CLCN1: variants seen among roughly 807,000 people sequenced by gnomAD.
CLCN1 encodes chloride channel protein 1.
A neutral mutation model predicts 114.5 loss-of-function variants in CLCN1; 100 were observed. The observed-to-expected ratio is 0.87, with a 90% CI of 0.74 to 1.03. The LOEUF (loss-of-function observed/expected upper bound fraction) is 1.03, where lower values mean the gene tolerates loss of function less well. Among genes scored for constraint, CLCN1 ranks in the 50% least tolerant of loss-of-function variants. The pLI is 0.00. For missense variants in CLCN1, 1,188 were observed against 1,250.0 expected, an observed-to-expected ratio of 0.95 and a Z score of 0.75; for synonymous variants, 485 against 487.1, an observed-to-expected ratio of 1.00 and a Z score of 0.06.
At chr7:143,323,140 C>T (rs775718240) in intron 5 of CLCN1, among the ~76,000 whole-genome samples, 169 bp from the exon 6 acceptor site, 3 of 152,124 alleles carry the variant, frequency 2.0e-5, no homozygotes, top group Non-Finnish European at 2.9e-5. Flanking sequence ...CTGGTTTCTC[C>T]TCTTCTTCCT....
intron 9 of CLCN1, 78 bp from the exon 10 acceptor site, chr7:143,331,473 G>A (rs938732921): frequency 1.0e-4 from 125 of 1,191,534 alleles, no homozygotes; most frequent in Non-Finnish European, 1.5e-4. Context: ...CCTGGTATTT[G>A]TTTCCCTGCA....
At chr7:143,340,683 C>G (rs1803053761) in intron 14 of CLCN1, among the ~76,000 whole-genome samples, 1 of 152,184 alleles carries the variant, frequency 6.6e-6, no homozygotes, top group African/African-American at 2.4e-5. Flanking sequence ...CAGGCACATG[C>G]CATCATGTCT....
rs768279683 is a variant in CLCN1 at position 143,321,315 on chromosome 7, C to T, written c.434-50C>T. 2.5e-6 allele frequency: 4 copies of T among 1,610,402 alleles called. No individual in the cohort carries two copies. The highest frequency in any genetic ancestry group is 3.4e-6 in the Non-Finnish European group (4 of 1,178,370). ...CGGGTACACGTCCTGGTGCCGTGGA[C>T]ACGGCTGCTCAGCCATGTTCTGCCT... On this transcript the variant is annotated intron_variant, in intron 3 of 22. Transcript: ENST00000343257. This position sits in a 1 kb window ranked among gnomAD's most constrained non-coding sequence, Gnocchi z 4.2.
Position 143,339,648 on chromosome 7 carries a change from A to C in CLCN1, c.1582+27A>C. 5.2e-6 allele frequency: 7 copies of C among 1,351,358 alleles called. No individual in the cohort carries two copies. The highest frequency in any genetic ancestry group is 7.4e-6 in the Non-Finnish European group (7 of 940,076). The allele number at this position is 1,351,358 out of a possible 1,614,324, so 83.7% of individuals were successfully genotyped here. On this transcript the variant is annotated intron_variant, in intron 14 of 22. Coordinates refer to ENST00000343257, the MANE Select transcript of CLCN1 (RefSeq NM_000083.3). This position sits in a 1 kb window ranked among gnomAD's most constrained non-coding sequence, Gnocchi z 4.1. ...TGAGAAACATTCCCACTTCCCTGTA[A>C]TCAAACATTGAGTACTTCAGATCCC...
At chr7:143,325,366 A>C (rs1031599495) in intron 7 of CLCN1, among the ~76,000 whole-genome samples, 5 of 152,266 alleles carry the variant, frequency 3.3e-5, no homozygotes, top group African/African-American at 1.2e-4. Flanking sequence ...CCAGGGAACT[A>C]AAATGACTTG....
In CLCN1 at chr7:143,332,896, C is replaced by T. The variant is rs765950532; in HGVS notation, c.1401+23C>T. On this transcript the variant is annotated intron_variant, in intron 12 of 22. Transcript: ENST00000343257. ...AAGGTACTGCTCCTGACACTAGCAACACCCTAAACCTCCATCTGTTTTCAA... is the reference window on the plus strand; with the variant it reads ...AAGGTACTGCTCCTGACACTAGCAATACCCTAAACCTCCATCTGTTTTCAA... 1.7e-5 allele frequency: 27 copies of T among 1,613,028 alleles called. 1 individual carries two copies. In the South Asian group the frequency reaches 2.6e-4, roughly 16 times the overall value.
chr7:143,332,841 G>T lies in CLCN1; in HGVS notation c.1369G>T (p.Val457Phe). Residue 457 changes from valine to phenylalanine, a missense_variant, in exon 12 of 23, where the codon GTC (valine) becomes TTC (phenylalanine). Transcript: ENST00000343257. ...AVWIHPRVNV[V>F]IIIFLFFVMK... The stretch of plus-strand genomic sequence containing the variant: ...GTGGATTCACCCCCGGGTCAACGTT[G>T]TCATCATCATCTTTCTCTTCTTCGT... The T allele has an allele frequency of 6.2e-7, 1 of 1,614,152 alleles. No homozygotes were observed. Among genetic ancestry groups the T allele is most frequent in the Non-Finnish European group, 8.5e-7 (1 of 1,180,016 alleles).
chr7:143,348,016 G>A (rs868811687), intron 20 of CLCN1, among the ~76,000 whole-genome samples: 1 of 152,064 alleles, frequency 6.6e-6, no homozygotes, highest in African/African-American at 2.4e-5. Context: ...TGCAAACGCC[G>A]AAAACGTAAA....
intron 20 of CLCN1, among the ~76,000 whole-genome samples, chr7:143,347,848 T>C (rs1401776567): frequency 1.3e-5 from 2 of 151,936 alleles, no homozygotes; most frequent in Non-Finnish European, 2.9e-5. Context: ...GAGAGAAAAA[T>C]CAAGCATTCT....
At chr7:143,331,434 G>C in intron 9 of CLCN1, 117 bp from the exon 10 acceptor site, 1 of 1,111,850 alleles carries the variant, frequency 9.0e-7, no homozygotes, top group Non-Finnish European at 1.4e-6. Context: ...CATTGCTGGG[G>C]GGATGTGGGC....
In CLCN1 at chr7:143,323,322, A is replaced by G. The variant is rs542648820; in HGVS notation, c.710A>G (p.His237Arg). Residue 237 changes from histidine (H) to arginine (R), a missense_variant, in exon 6 of 23, where the codon CAC (histidine) becomes CGC (arginine). Coordinates refer to ENST00000343257, the MANE Select transcript of CLCN1 (RefSeq NM_000083.3). Reference protein sequence around the residue: ...IPVGKEGPFVHIASICAAVLS... With the variant: ...IPVGKEGPFVRIASICAAVLS... The stretch of plus-strand genomic sequence containing the variant: ...CCCCTCTCCCAGGGCCCCTTCGTCC[A>G]CATTGCCAGCATCTGTGCTGCTGTC... 6.2e-7 allele frequency: 1 copy of G among 1,611,984 alleles called. No homozygotes were observed. Among genetic ancestry groups the G allele is most frequent in the African/African-American group, 1.3e-5 (1 of 74,612 alleles).
In CLCN1 at chr7:143,316,274, A is replaced by G; in HGVS notation, c.62A>G (p.Gln21Arg). Residue 21 changes from glutamine to arginine, a missense_variant, in exon 1 of 23, where the codon CAG (glutamine) becomes CGG (arginine). Coordinates refer to ENST00000343257, the MANE Select transcript of CLCN1 (RefSeq NM_000083.3). Reference protein sequence around the residue: ...GEQSWWGSDPQYQYMPFEHCT... With the variant: ...GEQSWWGSDPRYQYMPFEHCT... ...CAAAGCTGGTGGGGTAGTGACCCCC[A>G]GTACCAGTATATGCCCTTTGAACAC... 6.2e-7 allele frequency: 1 copy of G among 1,613,628 alleles called. No homozygotes were observed. The highest frequency in any genetic ancestry group is 2.2e-5 in the East Asian group (1 of 44,864).
Position 143,332,787 on chromosome 7 carries a change from G to T in CLCN1, c.1315G>T (p.Asp439Tyr), listed in dbSNP as rs776560929. Residue 439 changes from aspartate (D) to tyrosine (Y), a missense_variant, in exon 12 of 23, where the codon GAT becomes TAT. By Grantham distance (160) the Asp-to-Tyr change is radical. Transcript: ENST00000343257. ...CAATACATGGGTGAAACACGCGGGT[G>T]ATCCTGAGAGCCTGGGCCAGTCAGC... ...DNNTWVKHAGDPESLGQSAVW... is the reference protein window; with the variant it reads ...DNNTWVKHAGYPESLGQSAVW... The T allele has an allele frequency of 2.5e-6, 4 of 1,614,090 alleles. No homozygotes were observed. Among genetic ancestry groups the T allele is most frequent in the Non-Finnish European group, 3.4e-6 (4 of 1,179,950 alleles).
chr7:143,332,379 G>A, intron 10 of CLCN1, 40 bp from the exon 11 acceptor site: 2 of 1,480,706 alleles, frequency 1.4e-6, no homozygotes, highest in Non-Finnish European at 1.9e-6. Context: ...TTTACTGTGA[G>A]TTGGCTGAAT....
Position 143,316,141 on chromosome 7 carries a change from T to G in CLCN1, c.-72T>G, listed in dbSNP as rs1356532540. 7.8e-7 allele frequency: 1 copy of G among 1,280,544 alleles called. No individual in the cohort carries two copies. Among genetic ancestry groups the G allele is most frequent in the East Asian group, 2.3e-5 (1 of 43,340 alleles). The allele number at this position is 1,280,544 out of a possible 1,614,324, so 79.3% of individuals were successfully genotyped here. A position where few individuals can be genotyped will look rare whatever the true frequency, so the allele number is the denominator to read the frequency against. On this transcript the variant is annotated 5_prime_UTR_variant, in exon 1 of 23. Transcript: ENST00000343257. The stretch of plus-strand genomic sequence containing the variant: ...CCTTGGGGACAGCAAGAGCAGAGGC[T>G]TAAGGAGCTACACTGGGGGAAGGAC...
At chr7:143,326,003 G>GTTTT (rs546357383) in intron 7 of CLCN1, among the ~76,000 whole-genome samples, 19 of 151,702 alleles carry the variant, frequency 1.3e-4, no homozygotes, top group African/African-American at 1.7e-4. Flanking sequence ...GGCATTACTT[G>GTTTT]TTTTTTTTGT....
At position 143,324,344 on chromosome 7, in the gene CLCN1, C is replaced by T; in HGVS notation, c.775-70C>T. ...CATTCTGCCTTATTCCCCATCCCTG[C>T]TTGTTCTGTCCTCTGCCTGCCCACC... On this transcript the variant is annotated intron_variant, in intron 6 of 22. Transcript: ENST00000343257. The surrounding 1 kb of genome is among the most constrained non-coding windows in gnomAD (Gnocchi z 4.6). 1 of 1,123,680 alleles carries T rather than the reference C, an allele frequency of 8.9e-7. No individual in the cohort carries two copies. Among genetic ancestry groups the T allele is most frequent in the Non-Finnish European group, 1.4e-6 (1 of 733,638 alleles). The allele number at this position is 1,123,680 out of a possible 1,614,324, so 69.6% of individuals were successfully genotyped here. A position where few individuals can be genotyped will look rare whatever the true frequency, so the allele number is the denominator to read the frequency against.
At chr7:143,347,801 C>T (rs1272834314) in intron 20 of CLCN1, among the ~76,000 whole-genome samples, 1 of 151,902 alleles carries the variant, frequency 6.6e-6, no homozygotes, top group African/African-American at 2.4e-5. Context: ...CAAACAAATG[C>T]CTATTTTCCT....
chr7:143,316,437 C>A (rs374784404), intron 1 of CLCN1, 45 bp downstream of exon 1: 2 of 1,544,424 alleles, frequency 1.3e-6, no homozygotes, highest in Non-Finnish European at 8.9e-7. Flanking sequence ...TGAGGGGAGA[C>A]AGTGGTGCCA....
Sources: gnomAD v4.1 joint callset for allele counts (sites outside exome capture counted in the v4.1 genomes callset) on GRCh38, gnomAD v4.1.1 for gene constraint, Gnocchi (gnomAD v3.1) non-coding constraint, MANE v1.5 for transcripts, NCBI Gene and HGNC (gene_info 2026-07-23, HGNC 2026-07-21) for gene names.